MARK2: variants seen among roughly 807,000 people sequenced by gnomAD.
MARK2 encodes the protein serine/threonine-protein kinase MARK2.
In MARK2, 16 loss-of-function variants were observed where a neutral mutation model predicts 89.8. The observed-to-expected ratio is 0.18, with a 90% CI of 0.12 to 0.27. The LOEUF (loss-of-function observed/expected upper bound fraction) is 0.27. MARK2 is among the 10% of genes least tolerant of loss of function. The probability of loss-of-function intolerance (pLI) is 1.00; values close to 1 mark genes in which losing one functional copy is unlikely to be tolerated. For synonymous variants in MARK2, 382 were observed against 399.5 expected, an observed-to-expected ratio of 0.96 and a Z score of 0.52; for missense variants, 621 against 1,049.9, an observed-to-expected ratio of 0.59 and a Z score of 5.65.
At chr11:63,905,177 C>T in intron 16 of MARK2, 134 bp downstream of exon 16, 1 of 1,028,834 alleles carries the variant, frequency 9.7e-7, no homozygotes. Flanking sequence ...GAAGAGGCTT[C>T]AGGAAGCACA....
At chr11:63,845,276 G>A (rs1590957448) in intron 1 of MARK2, among the ~76,000 whole-genome samples, 1 of 152,080 alleles carries the variant, frequency 6.6e-6, no homozygotes. Context: ...TTCTCTTTTA[G>A]CCATGGTGGG....
chr11:63,878,836 T>C (rs781195221), intron 1 of MARK2, among the ~76,000 whole-genome samples: 4 of 152,184 alleles, frequency 2.6e-5, no homozygotes, highest in Admixed American at 2.0e-4. Context: ...ACAATTCACG[T>C]ACCCCTTGAA....
intron 1 of MARK2, among the ~76,000 whole-genome samples, chr11:63,853,193 G>GT (rs2016659449): frequency 1.3e-5 from 2 of 152,298 alleles, no homozygotes; most frequent in Admixed American, 1.3e-4. Flanking sequence ...GAGGTCAGGA[G>GT]TTTGAGACCA....
chr11:63,884,480 G>A (rs1939280203), intron 1 of MARK2, among the ~76,000 whole-genome samples: 1 of 152,254 alleles, frequency 6.6e-6, no homozygotes, highest in Non-Finnish European at 1.5e-5. Flanking sequence ...GCCTTGTGGT[G>A]AGGATTGCAG....
Position 63,887,582 on chromosome 11 carries a change from A to G in MARK2, c.55-7577A>G, listed in dbSNP as rs556004773. ...CACAGAGGAAGCTTTGCCCTTCCCT[A>G]GAGGGTTAATGGCTACCAACGTGAG... On this transcript the variant is annotated intron_variant, in intron 1 of 18. Transcript: ENST00000402010. Among the ~76,000 whole-genome samples, 427 of 152,302 alleles carry G rather than the reference A, an allele frequency of 2.8e-3. 2 individuals carry two copies. Among genetic ancestry groups the G allele is most frequent in the African/African-American group, 0.01 (419 of 41,558 alleles).
In MARK2 at chr11:63,902,363, CA is replaced by C. The variant is rs1247248208; in HGVS notation, c.1234+34del. 1.9e-6 allele frequency: 3 copies of C among 1,612,814 alleles called. No homozygotes were observed. The highest frequency in any genetic ancestry group is 2.5e-6 in the Non-Finnish European group (3 of 1,179,434). On this transcript the variant is annotated intron_variant, in intron 12 of 18. Coordinates refer to ENST00000402010, the MANE Select transcript of MARK2 (RefSeq NM_001039469.3). This position sits in a 1 kb window ranked among gnomAD's most constrained non-coding sequence, Gnocchi z 4.2. ...CTTTTGGGAGTTGTAGGTGGGGACT[CA>C]CCCCTCTCCAGAGAGGTTACAGGTT...
At chr11:63,867,480 TC>T (rs1408984011) in intron 1 of MARK2, among the ~76,000 whole-genome samples, 2 of 152,236 alleles carry the variant, frequency 1.3e-5, no homozygotes, top group African/African-American at 4.8e-5. Flanking sequence ...ATATAGAACT[TC>T]AGGAATCCCT....
intron 16 of MARK2, among the ~76,000 whole-genome samples, chr11:63,905,731 G>A (rs1210534418): frequency 6.6e-6 from 1 of 152,250 alleles, no homozygotes; most frequent in Non-Finnish European, 1.5e-5. Flanking sequence ...GGCCTCCTGG[G>A]ATGCTCCGCA....
At chr11:63,850,964 A>C (rs1435952477) in intron 1 of MARK2, among the ~76,000 whole-genome samples, 1 of 151,992 alleles carries the variant, frequency 6.6e-6, no homozygotes, top group African/African-American at 2.4e-5. Context: ...TCCTTTCTTC[A>C]AGTACGGTAT....
chr11:63,862,108 A>C (rs969546894), intron 1 of MARK2, among the ~76,000 whole-genome samples: 1 of 151,730 alleles, frequency 6.6e-6, no homozygotes, highest in East Asian at 1.9e-4. Flanking sequence ...TATTTCTAGT[A>C]GAGATGCGGT....
chr11:63,898,527 T>C lies in MARK2; in HGVS notation c.338-81T>C. ...TGAAAGGAGGGGAGACTTTCGTTCC[T>C]AGGATGCTCCTGGACATGTTGGAGA... is the stretch of plus-strand genomic sequence containing the variant. On this transcript the variant is annotated intron_variant, in intron 4 of 18. Coordinates refer to ENST00000402010, the MANE Select transcript of MARK2 (RefSeq NM_001039469.3). 4.4e-6 allele frequency: 5 copies of C among 1,148,334 alleles called. 1 individual carries two copies. The South Asian group carries it at 6.3e-5, about 14-fold the overall frequency. The allele number at this position is 1,148,334 out of a possible 1,614,324, so 71.1% of individuals were successfully genotyped here. A position where few individuals can be genotyped will look rare whatever the true frequency, so the allele number is the denominator to read the frequency against.
intron 1 of MARK2, among the ~76,000 whole-genome samples, chr11:63,844,367 G>A (rs1297126975): frequency 2.0e-5 from 3 of 152,128 alleles, no homozygotes; most frequent in African/African-American, 4.8e-5. Flanking sequence ...GCCTGTGGTT[G>A]CAGCTACACA....
chr11:63,860,349 C>T (rs989149553), intron 1 of MARK2, among the ~76,000 whole-genome samples: 2 of 151,568 alleles, frequency 1.3e-5, no homozygotes, highest in East Asian at 1.9e-4. Context: ...GTCAGGAGAT[C>T]GAGACCATCC....
At chr11:63,844,976 G>C (rs968691968) in intron 1 of MARK2, among the ~76,000 whole-genome samples, 16 of 152,166 alleles carry the variant, frequency 1.1e-4, no homozygotes, top group Admixed American at 9.2e-4. Context: ...CAGACTTTGT[G>C]GCCCATTATC....
rs1565141230 is a variant in MARK2 at position 63,900,991 on chromosome 11, G to C, written c.1023G>C (p.Glu341Asp). 9 of 1,614,156 alleles carry C rather than the reference G, an allele frequency of 5.6e-6. No homozygotes were observed. The highest frequency in any genetic ancestry group is 7.6e-6 in the Non-Finnish European group (9 of 1,180,002). The change falls in exon 11 of 19, where the codon GAG (glutamate) becomes GAC (aspartate). Residue 341 changes from glutamate to aspartate, a missense_variant. Transcript: ENST00000402010. This position sits in a 1 kb window ranked among gnomAD's most constrained non-coding sequence, Gnocchi z 4.7. The stretch of plus-strand genomic sequence containing the variant: ...TGTCCATGGGTTATACACGGGAAGA[G>C]ATCCAGGACTCGCTGGTGGGCCAGA... Reference protein sequence around the residue: ...LMVSMGYTREEIQDSLVGQRY... With the variant: ...LMVSMGYTREDIQDSLVGQRY...
At chr11:63,859,261 CTTTGTTTCTT>C (rs1482501157) in intron 1 of MARK2, among the ~76,000 whole-genome samples, 3 of 151,576 alleles carry the variant, frequency 2.0e-5, no homozygotes, top group African/African-American at 7.3e-5. Context: ...ACCTGACATA[CTTTGTTTCTT>C]TTTGTTTCTT....
intron 1 of MARK2, among the ~76,000 whole-genome samples, chr11:63,875,937 G>A (rs1348417159): frequency 1.3e-5 from 2 of 152,214 alleles, no homozygotes; most frequent in Non-Finnish European, 2.9e-5. Context: ...TAAGCACTGT[G>A]TATGAGAATG....
intron 1 of MARK2, among the ~76,000 whole-genome samples, chr11:63,879,351 A>G (rs1426119580): frequency 1.3e-5 from 2 of 152,018 alleles, no homozygotes; most frequent in East Asian, 1.9e-4. Flanking sequence ...TCATGGCACT[A>G]TCTATCACAC....
intron 1 of MARK2, among the ~76,000 whole-genome samples, chr11:63,872,054 G>A (rs1451188737): frequency 1.3e-5 from 2 of 152,230 alleles, no homozygotes; most frequent in East Asian, 1.9e-4. Flanking sequence ...TCCTGCCACC[G>A]GAGGTTCTGC....
Sources: allele counts gnomAD v4.1 joint callset (sites outside exome capture counted in the v4.1 genomes callset), GRCh38; gene constraint gnomAD v4.1.1; non-coding constraint Gnocchi (gnomAD v3.1); transcripts MANE v1.5; gene names NCBI Gene and HGNC (gene_info 2026-07-23, HGNC 2026-07-21).